RC3H1: variants seen among roughly 807,000 people sequenced by gnomAD.
RC3H1 encodes roquin-1.
RC3H1 carries 50 observed loss-of-function variants against 138.2 expected under a neutral mutation model. The ratio of observed to expected loss-of-function variants is 0.36; its 90% CI spans 0.29 to 0.46. The LOEUF is 0.46. Ranked by LOEUF, RC3H1 falls within the 20% of genes least tolerant of loss-of-function variation. RC3H1 has a pLI of 1.00. For synonymous variants in RC3H1, 462 were observed against 489.1 expected, an observed-to-expected ratio of 0.94 and a Z score of 0.73; for missense variants, 1,031 against 1,388.1, an observed-to-expected ratio of 0.74 and a Z score of 4.09.
At position 173,963,991 on chromosome 1, in the gene RC3H1, G is replaced by T; in HGVS notation, c.1813C>A (p.Pro605Thr). The T allele has an allele frequency of 6.2e-7, 1 of 1,614,042 alleles. No individual in the cohort carries two copies. The highest frequency in any genetic ancestry group is 1.1e-5 in the South Asian group (1 of 91,066). ...TCGTTACCCTGCTGATAAGGTGCTG[G>T]TTCAAATGGCGGAGCTGCTCCTCGA... ...DPRGAAPPFE[P>T]APYQQGMYYT... is the part of the protein sequence containing the mutation. Residue 605 changes from proline (P) to threonine (T), a missense_variant, in exon 11 of 20, where the codon CCA becomes ACA. Pro to Thr is a conservative substitution (Grantham distance 38). Transcript: ENST00000367696.
intron 9 of RC3H1, among the ~76,000 whole-genome samples, chr1:173,969,120 G>C (rs146504341): frequency 6.6e-6 from 1 of 151,938 alleles, no homozygotes; most frequent in East Asian, 1.9e-4. Flanking sequence ...GCCTCCCAAA[G>C]TGCTGGGAGC....
chr1:173,946,819 T>C lies in RC3H1; in HGVS notation c.2755A>G (p.Thr919Ala). Residue 919 changes from threonine (T) to alanine (A), a missense_variant, in exon 16 of 20, where the codon ACC (threonine) becomes GCC (alanine). Coordinates refer to ENST00000367696, the MANE Select transcript of RC3H1 (RefSeq NM_172071.4). ...GGAGAAGCTCCCCAGCCACCGTGGG[T>C]TCCATATGGACTATAATCTGTAAGA... ...INISDYSPYG[T>A]HGGWGASPYS... 1 of 1,608,974 alleles carries C rather than the reference T, an allele frequency of 6.2e-7. No homozygotes were observed. The highest frequency in any genetic ancestry group is 1.1e-5 in the South Asian group (1 of 90,974).
rs191352699 is a variant in RC3H1, at chr1:173,941,421, A to C, written c.3136-41T>G. 5,949 of 1,221,366 alleles carry C rather than the reference A, an allele frequency of 4.9e-3. 20 individuals are homozygous for C. Among genetic ancestry groups the C allele is most frequent in the Non-Finnish European group, 6.0e-3 (4,915 of 825,332 alleles). 75.7% of individuals were successfully genotyped at this position (1,221,366 alleles called of 1,614,324 possible). A position where few individuals can be genotyped will look rare whatever the true frequency, so the allele number is the denominator to read the frequency against. ...AAATAAAATCAGTTATCATCTATTT[A>C]ATGGTGTTAATGGGAGAGACCAAAT... On this transcript the variant is annotated intron_variant, in intron 18 of 19. Coordinates refer to ENST00000367696, the MANE Select transcript of RC3H1 (RefSeq NM_172071.4).
rs1053740032 is a variant in RC3H1 at position 173,932,249 on chromosome 1, T to C, written c.*6472A>G. On this transcript the variant is annotated 3_prime_UTR_variant, in exon 20 of 20. Coordinates refer to ENST00000367696, the MANE Select transcript of RC3H1 (RefSeq NM_172071.4). ...AGTTATTTTTTTAAAAAAAACAAAA[T>C]AAAACAAAATAAAATCCACCCAAAA... The C allele has an allele frequency of 1.3e-5, 2 of 149,862 alleles. No homozygotes were observed. The highest frequency in any genetic ancestry group is 1.3e-4 in the Admixed American group (2 of 15,062). 9.3% of individuals were successfully genotyped at this position (149,862 alleles called of 1,614,324 possible).
chr1:173,962,023 G>A lies in RC3H1; in HGVS notation c.1904C>T (p.Ala635Val). 1.9e-6 allele frequency: 3 copies of A among 1,614,080 alleles called. No homozygotes were observed. The highest frequency in any genetic ancestry group is 2.5e-6 in the Non-Finnish European group (3 of 1,179,974). ...VRPPPSAPEP[A>V]PPYLDHYPPY... ...TGGATAATGATCCAAGTAGGGAGGA[G>A]CAGGTTCAGGAGCAGATGGTGGAGG... Residue 635 changes from alanine (A) to valine (V), a missense_variant, in exon 12 of 20, where the codon GCT becomes GTT. Around this residue, in one of 7 missense-constraint regions of RC3H1, gnomAD observed 716 missense variants for 837.9 expected, o/e 0.85. Transcript: ENST00000367696.
chr1:174,011,362 G>GACAGTTTTA (rs1386397851), intron 1 of RC3H1, among the ~76,000 whole-genome samples: 3 of 152,028 alleles, frequency 2.0e-5, no homozygotes, highest in African/African-American at 7.2e-5. Flanking sequence ...AAAGAAGATT[G>GACAGTTTTA]ACAGTTTTAA....
chr1:173,976,527 C>A (rs1342012833), intron 7 of RC3H1, among the ~76,000 whole-genome samples: 1 of 151,620 alleles, frequency 6.6e-6, no homozygotes, highest in African/African-American at 2.4e-5. Flanking sequence ...GAATTAGCTA[C>A]ATGGAAGTAA....
intron 6 of RC3H1, among the ~76,000 whole-genome samples, chr1:173,979,926 C>G (rs1326635207): frequency 1.3e-5 from 2 of 152,076 alleles, no homozygotes; most frequent in Non-Finnish European, 2.9e-5. Context: ...GGGTCTCACT[C>G]TGTTGCCGAG....
chr1:173,962,988 A>C (rs1214617525), intron 11 of RC3H1, among the ~76,000 whole-genome samples: 1 of 152,224 alleles, frequency 6.6e-6, no homozygotes, highest in East Asian at 1.9e-4. Context: ...AGCACTTTTA[A>C]TCTATTCCCA....
intron 12 of RC3H1, among the ~76,000 whole-genome samples, chr1:173,961,445 T>C (rs1659870568): frequency 6.6e-6 from 1 of 152,126 alleles, no homozygotes; most frequent in African/African-American, 2.4e-5. Flanking sequence ...TTTAGGTTTC[T>C]TTTATTTGGT....
At chr1:173,972,878 T>G (rs932602944) in intron 7 of RC3H1, among the ~76,000 whole-genome samples, 1 of 152,126 alleles carries the variant, frequency 6.6e-6, no homozygotes, top group African/African-American at 2.4e-5. Flanking sequence ...GGCCACACAA[T>G]AGTGGTAACT....
chr1:174,016,716 C>T (rs948856320), intron 1 of RC3H1, among the ~76,000 whole-genome samples: 3 of 151,836 alleles, frequency 2.0e-5, no homozygotes, highest in Non-Finnish European at 4.4e-5. Context: ...TTTTGTTTCT[C>T]ATAAATTTTA....
Position 173,983,578 on chromosome 1 carries a change from T to C in RC3H1, c.432A>G (p.Gln144=), listed in dbSNP as rs772245751. The change falls in exon 4 of 20, where the codon CAA becomes CAG. Residue 144 remains glutamine (Q), a synonymous_variant. Coordinates refer to ENST00000367696, the MANE Select transcript of RC3H1 (RefSeq NM_172071.4). ...QRKLVTLVHC[Q]LVEEEGRIRA... is the part of the protein sequence containing the mutation. ...GAATCCTGCCTTCTTCTTCTACTAG[T>C]TGACAGTGGACTAGAGTCACAAGCT... 8.1e-6 allele frequency: 13 copies of C among 1,614,214 alleles called. No individual in the cohort carries two copies. The highest frequency in any genetic ancestry group is 5.5e-5 in the South Asian group (5 of 91,088).
At position 173,943,555 on chromosome 1, in the gene RC3H1, G is replaced by C; in HGVS notation, c.3022C>G (p.Pro1008Ala). Reference sequence around the variant, plus strand: ...CATTTTGGAGGTGGCGGTGGTGGGGGCTGTGACTGGCCTGCCAGGGTGTTT... The same window carrying C: ...CATTTTGGAGGTGGCGGTGGTGGGGCCTGTGACTGGCCTGCCAGGGTGTTT... ...EANTLAGQSQ[P>A]PPPPPPKWPG... Residue 1008 changes from proline (P) to alanine (A), a missense_variant, in exon 18 of 20, where the codon CCC (proline) becomes GCC (alanine). By Grantham distance (27) the Pro-to-Ala change is conservative (BLOSUM62 -1). Coordinates refer to ENST00000367696, the MANE Select transcript of RC3H1 (RefSeq NM_172071.4). 1 of 1,614,114 alleles carries C rather than the reference G, an allele frequency of 6.2e-7. No individual in the cohort carries two copies. The highest frequency in any genetic ancestry group is 1.1e-5 in the South Asian group (1 of 91,072).
rs766841698 is a variant in RC3H1 at position 173,984,598 on chromosome 1, T to C, written c.253A>G (p.Thr85Ala). Reference protein sequence around the residue: ...GAQVPEQQPITLCSGVEDTKH... With the variant: ...GAQVPEQQPIALCSGVEDTKH... ...GTGTCTTCAACCCCACTACACAAAGTAATAGGCTGCTGCTCAGGGACCTGG... is the reference window on the plus strand; with the variant it reads ...GTGTCTTCAACCCCACTACACAAAGCAATAGGCTGCTGCTCAGGGACCTGG... Residue 85 changes from threonine (T) to alanine (A), a missense_variant, in exon 3 of 20, where the codon ACT becomes GCT. This residue lies in a region of RC3H1 where 80 missense variants were observed against 81.1 expected (regional missense o/e 0.99). Transcript: ENST00000367696. The C allele has an allele frequency of 1.2e-5, 19 of 1,613,600 alleles. No homozygotes were observed. The highest frequency in any genetic ancestry group is 1.6e-5 in the Non-Finnish European group (19 of 1,179,796).
At position 173,992,741 on chromosome 1, in the gene RC3H1, G is replaced by A. The variant is rs1432180117; in HGVS notation, c.231+14C>T. Reference sequence around the variant, plus strand: ...AGAGGGAGAAATTTAAAAGTATTAAGTCACCCATCCTACCTGAGCACCCAC... The same window carrying A: ...AGAGGGAGAAATTTAAAAGTATTAAATCACCCATCCTACCTGAGCACCCAC... On this transcript the variant is annotated intron_variant, in intron 2 of 19. Coordinates refer to ENST00000367696, the MANE Select transcript of RC3H1 (RefSeq NM_172071.4). 1.3e-6 allele frequency: 2 copies of A among 1,578,186 alleles called. No individual in the cohort carries two copies. The highest frequency in any genetic ancestry group is 2.2e-5 in the East Asian group (1 of 44,486).
At chr1:173,979,015 G>A (rs750905131) in intron 6 of RC3H1, among the ~76,000 whole-genome samples, 10 of 152,004 alleles carry the variant, frequency 6.6e-5, no homozygotes, top group Non-Finnish European at 5.9e-5. Flanking sequence ...TGGTGACCTT[G>A]GCAATATGTG....
intron 15 of RC3H1, 56 bp from the exon 16 acceptor site, chr1:173,946,892 G>T: frequency 8.2e-7 from 1 of 1,218,286 alleles, no homozygotes; most frequent in Non-Finnish European, 1.2e-6. Flanking sequence ...TTCTTTTAAG[G>T]TATTCATAAT....
intron 7 of RC3H1, among the ~76,000 whole-genome samples, chr1:173,974,627 A>G (rs1660498679): frequency 6.6e-6 from 1 of 150,740 alleles, no homozygotes; most frequent in Non-Finnish European, 1.5e-5. Flanking sequence ...GGCATGTTGC[A>G]TGGAGGTGGA....
Sources: allele counts gnomAD v4.1 joint callset (sites outside exome capture counted in the v4.1 genomes callset), GRCh38; gene constraint gnomAD v4.1.1; regional missense constraint gnomAD v4.1.1; transcripts MANE v1.5; gene names NCBI Gene and HGNC (gene_info 2026-07-23, HGNC 2026-07-21).